The following MYO10 variants were observed in gnomAD, a reference collection of about 807,000 sequenced individuals.
MYO10 encodes unconventional myosin-X.
MYO10 carries 133 observed loss-of-function variants against 257.3 expected under a neutral mutation model. The observed-to-expected ratio is 0.52, with a 90% confidence interval of 0.45 to 0.60. The LOEUF (loss-of-function observed/expected upper bound fraction) is 0.60, where lower values mean the gene tolerates loss of function less well. Among genes scored for constraint, MYO10 ranks in the 20% least tolerant of loss-of-function variants. The probability of loss-of-function intolerance (pLI) is 0.00; values close to 1 mark genes in which losing one functional copy is unlikely to be tolerated. For synonymous variants in MYO10, 1,104 were observed against 1,028.6 expected (o/e 1.07, Z -1.40); for missense variants, 2,399 against 2,635.7 (o/e 0.91, Z 1.97).
chr5:16,775,210 C>G (rs1456837489), intron 9 of MYO10, among the ~76,000 whole-genome samples: 2 of 152,144 alleles, frequency 1.3e-5, no homozygotes, highest in Non-Finnish European at 2.9e-5. Flanking sequence ...ATAAGAAATG[C>G]CTATGAAATT....
At chr5:16,815,220 A>G (rs1742567712) in intron 3 of MYO10, 1 of 471,716 alleles carries the variant, frequency 2.1e-6, no homozygotes, top group Admixed American at 3.9e-5. Flanking sequence ...GTTTCAAAAT[A>G]TAGATTGAGC....
intron 2 of MYO10, among the ~76,000 whole-genome samples, chr5:16,873,326 G>A (rs1205699346): frequency 6.6e-6 from 1 of 152,224 alleles, no homozygotes; most frequent in Non-Finnish European, 1.5e-5. Flanking sequence ...AGGTCACACT[G>A]CTGTAAGAAG....
intron 16 of MYO10, 141 bp downstream of exon 16, chr5:16,761,904 C>T: frequency 2.4e-6 from 2 of 842,612 alleles, no homozygotes; most frequent in Non-Finnish European, 3.5e-6. Context: ...CCTCCTGCCT[C>T]AGCCTCCCAA....
In MYO10 at chr5:16,674,870, G is replaced by C; in HGVS notation, c.4947C>G (p.Leu1649=). ...FLPSRGILKY[L]KFHLKRIREQ... is the part of the protein sequence containing the mutation. ...TGCTTTACCTTTTCAGATGGAACTT[G>C]AGATACTTGAGAATCCCTCGACTCG... Residue 1649 remains leucine, a synonymous_variant, in exon 35 of 41, where the codon CTC becomes CTG. Transcript: ENST00000513610. The C allele has an allele frequency of 1.9e-6, 3 of 1,613,908 alleles. No individual in the cohort carries two copies. Among genetic ancestry groups the C allele is most frequent in the Non-Finnish European group, 8.5e-7 (1 of 1,179,866 alleles).
In MYO10 at chr5:16,671,086, C is replaced by A. The variant is rs893482394; in HGVS notation, c.5431-108G>T. On this transcript the variant is annotated intron_variant, in intron 38 of 40. Coordinates refer to ENST00000513610, the MANE Select transcript of MYO10 (RefSeq NM_012334.3). ...GAGGGTTTCTCTCAAACTCACCTTC[C>A]CTGACTGCCCTGGCTAAAACTGTAC... is the stretch of plus-strand genomic sequence containing the variant. The A allele has an allele frequency of 3.9e-6, 4 of 1,037,496 alleles. No homozygotes were observed. In the African/African-American group the frequency reaches 6.5e-5, roughly 17 times the overall value. 64.3% of individuals were successfully genotyped at this position (1,037,496 alleles called of 1,614,324 possible).
chr5:16,775,930 C>T (rs1415604175), intron 9 of MYO10, among the ~76,000 whole-genome samples: 5 of 151,892 alleles, frequency 3.3e-5, no homozygotes, highest in Admixed American at 3.3e-4. Context: ...GGGCCTGGCC[C>T]TGTCGCCCAG....
chr5:16,853,886 G>A (rs749191620), intron 2 of MYO10: 1 of 152,094 alleles, frequency 6.6e-6, no homozygotes, highest in Non-Finnish European at 1.5e-5. Context: ...CTGTCACAGA[G>A]CCCGTTTTCT....
chr5:16,805,357 G>T (rs1742240708), intron 3 of MYO10, among the ~76,000 whole-genome samples: 1 of 150,000 alleles, frequency 6.7e-6, no homozygotes, highest in Non-Finnish European at 1.5e-5. Flanking sequence ...AGCTACTCGG[G>T]AGGCTGAGGC....
intron 3 of MYO10, among the ~76,000 whole-genome samples, chr5:16,806,737 T>C (rs1295137311): frequency 1.3e-5 from 2 of 151,920 alleles, no homozygotes; most frequent in East Asian, 1.9e-4. Context: ...GGGACCCAGG[T>C]TGGATATCAC....
intron 2 of MYO10, among the ~76,000 whole-genome samples, chr5:16,866,910 G>A (rs1174010356): frequency 6.6e-6 from 1 of 152,170 alleles, no homozygotes; most frequent in Non-Finnish European, 1.5e-5. Flanking sequence ...CGGGAACCTG[G>A]AGCTGCCCTC....
intron 2 of MYO10, among the ~76,000 whole-genome samples, chr5:16,872,443 A>T (rs1209905975): frequency 6.6e-6 from 1 of 152,334 alleles, no homozygotes; most frequent in African/African-American, 2.4e-5. Context: ...CATTCTTGAG[A>T]TCTGCCACAC....
At chr5:16,760,712 T>C (rs1424419038) in intron 17 of MYO10, among the ~76,000 whole-genome samples, 3 of 152,130 alleles carry the variant, frequency 2.0e-5, no homozygotes, top group Admixed American at 2.0e-4. Context: ...CACGCAGCTC[T>C]AAGCTCCCTG....
At chr5:16,860,327 G>C (rs1056894213) in intron 2 of MYO10, among the ~76,000 whole-genome samples, 2 of 152,056 alleles carry the variant, frequency 1.3e-5, no homozygotes, top group Non-Finnish European at 2.9e-5. Flanking sequence ...TTGGGGTAGG[G>C]GACACAGTGA....
intron 1 of MYO10, among the ~76,000 whole-genome samples, chr5:16,911,864 C>A (rs1745667213): frequency 6.6e-6 from 1 of 151,808 alleles, no homozygotes; most frequent in South Asian, 2.1e-4. Context: ...ATGGTGAAAC[C>A]CCATCTCTAC....
intron 2 of MYO10, among the ~76,000 whole-genome samples, chr5:16,864,148 ATT>A (rs34764765): frequency 0.062 from 8,389 of 134,398 alleles, 212 homozygotes; most frequent in Non-Finnish European, 0.077. Context: ...CTATGTGGCT[ATT>A]TTTTTTTTTT....
chr5:16,867,258 T>C (rs564276019), intron 2 of MYO10, among the ~76,000 whole-genome samples: 2 of 152,276 alleles, frequency 1.3e-5, no homozygotes, highest in African/African-American at 4.8e-5. Context: ...TGCCCAATTC[T>C]TCCTAATAAT....
rs1323589415 is a variant in MYO10, at chr5:16,676,213, T to A, written c.4543-59A>T. 5 of 1,588,098 alleles carry A rather than the reference T, an allele frequency of 3.1e-6. No homozygotes were observed. The African/African-American group carries it at 6.8e-5, about 22-fold the overall frequency. ...ACCTGTATTTTCCTACATATAAATA[T>A]TTTTCAAGACTCTCAAATATCCATA... On this transcript the variant is annotated intron_variant, in intron 33 of 40. Transcript: ENST00000513610.
intron 1 of MYO10, chr5:16,916,405 T>TAAAAAAAAAAAAA (rs71596001): frequency 1.9e-5 from 2 of 104,262 alleles, no homozygotes; most frequent in African/African-American, 3.6e-5. Context: ...AGCCATGAAG[T>TAAAAAAAAAAAAA]AAAAAAAAAA....
chr5:16,762,639 T>C lies in MYO10; in HGVS notation c.1495-2A>G. 2 of 1,590,068 alleles carry C rather than the reference T, an allele frequency of 1.3e-6. No homozygotes were observed. The highest frequency in any genetic ancestry group is 1.7e-6 in the Non-Finnish European group (2 of 1,166,784). On this transcript the variant is annotated splice_acceptor_variant, in intron 14 of 40. Coordinates refer to ENST00000513610, the MANE Select transcript of MYO10 (RefSeq NM_012334.3). LOFTEE classifies it high-confidence loss of function. Reference sequence around the variant, plus strand: ...GATAAGGGCTAGGAGGCCAAGTTTCTAGAAGAAGAAAAAGAAAAAATGAAT... The same window carrying C: ...GATAAGGGCTAGGAGGCCAAGTTTCCAGAAGAAGAAAAAGAAAAAATGAAT...
Sources: gnomAD v4.1 joint callset for allele counts (sites outside exome capture counted in the v4.1 genomes callset) on GRCh38, gnomAD v4.1.1 for gene constraint, MANE v1.5 for transcripts, NCBI Gene and HGNC (gene_info 2026-07-23, HGNC 2026-07-21) for gene names.